Variants in ASGR1 observed in about 807,000 individuals in gnomAD.
ASGR1 encodes C-type lectin domain family 4 member H1.
A neutral mutation model predicts 33.1 loss-of-function variants in ASGR1; 35 were observed. The ratio of observed to expected loss-of-function variants is 1.06; its 90% CI spans 0.81 to 1.40. The LOEUF is 1.40. Ranked by LOEUF, ASGR1 falls within the 40% of genes most tolerant of loss-of-function variation. The probability of loss-of-function intolerance (pLI) is 0.00; values close to 1 mark genes in which losing one functional copy is unlikely to be tolerated. For synonymous variants in ASGR1, 142 were observed against 152.5 expected (o/e 0.93, Z 0.51); for missense variants, 396 against 373.7 (o/e 1.06, Z -0.49).
intron 5 of ASGR1, among the ~76,000 whole-genome samples, chr17:7,175,788 C>T (rs1170181362): frequency 1.3e-5 from 2 of 149,072 alleles, no homozygotes; most frequent in Non-Finnish European, 3.0e-5. Context: ...GGCTCTCACA[C>T]ACACACACAC....
At chr17:7,178,183 C>T in intron 2 of ASGR1, 1 of 400,020 alleles carries the variant, frequency 2.5e-6, no homozygotes, top group Non-Finnish European at 4.7e-6. Flanking sequence ...GAAGAGGGGG[C>T]GTGACTTCGT....
rs146843548 is a variant in ASGR1 at position 7,174,612 on chromosome 17, TACAC to T, written c.356-156_356-153del. On this transcript the variant is annotated intron_variant, in intron 5 of 8. Transcript: ENST00000269299. Reference sequence around the variant, plus strand: ...GCGGAGTTGGCCTGAGAGACCCCCATACACACACACACACACACTCCTACACACA... The same window carrying T: ...GCGGAGTTGGCCTGAGAGACCCCCATACACACACACACACTCCTACACACA... 1,219 of 622,278 alleles carry T rather than the reference TACAC, an allele frequency of 2.0e-3. 9 individuals are homozygous for T. Among genetic ancestry groups the T allele is most frequent in the African/African-American group, 0.019 (1,032 of 53,292 alleles). 38.5% of individuals were successfully genotyped at this position (622,278 alleles called of 1,614,324 possible). A position where few individuals can be genotyped will look rare whatever the true frequency, so the allele number is the denominator to read the frequency against.
Position 7,178,438 on chromosome 17 carries a change from G to C in ASGR1, c.70+56C>G, listed in dbSNP as rs935623829. 10 of 1,534,316 alleles carry C rather than the reference G, an allele frequency of 6.5e-6. No individual in the cohort carries two copies. The Admixed American group carries it at 6.7e-5, about 10-fold the overall frequency. On this transcript the variant is annotated intron_variant, in intron 2 of 8. Transcript: ENST00000269299. ...GGGCAAGAGTAGGAGCTGTGGCTGG[G>C]GGGTGGAGAACCGCCAAATTCTCGC...
chr17:7,174,083 G>C lies in ASGR1; in HGVS notation c.595-16C>G. ...GGACAAATTTCTGAGGAGAGAGAAG[G>C]CGGGTGGTGATCTCTCCGAGGCCAG... On this transcript the variant is annotated splice_polypyrimidine_tract_variant and intron_variant, in intron 7 of 8. Transcript: ENST00000269299. 6.2e-7 allele frequency: 1 copy of C among 1,614,200 alleles called. No homozygotes were observed. The highest frequency in any genetic ancestry group is 8.5e-7 in the Non-Finnish European group (1 of 1,179,998).
Sources: allele counts gnomAD v4.1 joint callset (sites outside exome capture counted in the v4.1 genomes callset), GRCh38; gene constraint gnomAD v4.1.1; transcripts MANE v1.5; gene names NCBI Gene and HGNC (gene_info 2026-07-23, HGNC 2026-07-21).